Variants in PRORP observed in about 807,000 individuals in gnomAD.
PRORP encodes mitochondrial ribonuclease P catalytic subunit.
Under a neutral mutation model 59.4 loss-of-function variants are expected in PRORP, and 51 were observed. The observed-to-expected ratio is 0.86, with a 90% CI of 0.69 to 1.08. PRORP has a LOEUF of 1.08. Ranked by LOEUF, PRORP falls within the 50% of genes least tolerant of loss-of-function variation. The pLI is 0.00. For synonymous variants in PRORP, 231 were observed against 245.6 expected (o/e 0.94, Z 0.55); for missense variants, 646 against 690.3 (o/e 0.94, Z 0.72).
At position 35,126,731 on chromosome 14, in the gene PRORP, A is replaced by G. The variant is rs1194410250; in HGVS notation, c.987-4A>G. 6.2e-7 allele frequency: 1 copy of G among 1,607,556 alleles called. No homozygotes were observed. Among genetic ancestry groups the G allele is most frequent in the Admixed American group, 1.7e-5 (1 of 59,446 alleles). ...CATGATTTGGTTTTGCAATCTTTTC[A>G]TAGTGTTCCTGGAAAACAATGGAAA... On this transcript the variant is annotated splice_region_variant and splice_polypyrimidine_tract_variant and intron_variant, in intron 2 of 7. Coordinates refer to ENST00000534898, the MANE Select transcript of PRORP (RefSeq NM_014672.4).
At chr14:35,233,810 T>C (rs2050140814) in intron 5 of PRORP, among the ~76,000 whole-genome samples, 1 of 152,214 alleles carries the variant, frequency 6.6e-6, no homozygotes, top group Non-Finnish European at 1.5e-5. Flanking sequence ...TTCTTCCACC[T>C]TGATTTATGT....
chr14:35,133,733 A>G (rs948149964), intron 4 of PRORP, among the ~76,000 whole-genome samples: 1 of 152,170 alleles, frequency 6.6e-6, no homozygotes, highest in African/African-American at 2.4e-5. Context: ...TGCTGTGGTA[A>G]GAGGTACTGC....
chr14:35,249,868 A>T (rs1219425406), intron 5 of PRORP, among the ~76,000 whole-genome samples: 2 of 152,220 alleles, frequency 1.3e-5, no homozygotes, highest in Non-Finnish European at 2.9e-5. Context: ...GCTTTGAACT[A>T]TAGCTATGTG....
rs530028774 is a variant in PRORP, at chr14:35,216,036, G to A, written c.1275+35259G>A. 1.2e-4 allele frequency among the ~76,000 whole-genome samples: 17 copies of A among 143,110 alleles called. No individual in the cohort carries two copies. The South Asian group carries it at 3.7e-3, about 31-fold the overall frequency. 93.9% of individuals were successfully genotyped at this position (143,110 alleles called of 152,430 possible). On this transcript the variant is annotated intron_variant, in intron 5 of 7. Transcript: ENST00000534898. Reference sequence around the variant, plus strand: ...CCTGCCTCGGCCTCCCAAAGTGCTGGGATTATAGGCATGAGCCACCGCACC... The same window carrying A: ...CCTGCCTCGGCCTCCCAAAGTGCTGAGATTATAGGCATGAGCCACCGCACC...
At chr14:35,270,305 C>A in intron 6 of PRORP, 96 bp from the exon 7 acceptor site, 2 of 1,163,804 alleles carry the variant, frequency 1.7e-6, no homozygotes, top group Non-Finnish European at 2.5e-6. Context: ...AAATCAGAGG[C>A]ACCTCCAAGG....
chr14:35,211,160 G>A (rs1369874238), intron 5 of PRORP, among the ~76,000 whole-genome samples: 2 of 152,136 alleles, frequency 1.3e-5, no homozygotes, highest in Non-Finnish European at 2.9e-5. Flanking sequence ...TACATATATA[G>A]GATTGGCTCA....
chr14:35,265,347 A>T (rs2051013855), intron 5 of PRORP, among the ~76,000 whole-genome samples: 1 of 152,204 alleles, frequency 6.6e-6, no homozygotes, highest in African/African-American at 2.4e-5. Context: ...ACAAGTTATA[A>T]TTTTTTCAGC....
chr14:35,255,431 G>A (rs1456484342), intron 5 of PRORP, among the ~76,000 whole-genome samples: 1 of 152,128 alleles, frequency 6.6e-6, no homozygotes, highest in Non-Finnish European at 1.5e-5. Flanking sequence ...CACCCGGCTG[G>A]AATAACTGTT....
intron 5 of PRORP, chr14:35,235,512 C>T (rs1463291473): frequency 5.0e-6 from 3 of 598,040 alleles, no homozygotes; most frequent in South Asian, 4.6e-5. Flanking sequence ...GCAGTCACCA[C>T]CAGCTGAGCC....
At chr14:35,225,291 A>C (rs945318129) in intron 5 of PRORP, among the ~76,000 whole-genome samples, 15 of 152,158 alleles carry the variant, frequency 9.9e-5, no homozygotes, top group African/African-American at 3.6e-4. Flanking sequence ...AAATCAATAA[A>C]CAAAAAGCTA....
intron 4 of PRORP, among the ~76,000 whole-genome samples, chr14:35,160,265 C>G (rs1003103784): frequency 1.3e-5 from 2 of 152,206 alleles, no homozygotes; most frequent in Admixed American, 1.3e-4. Context: ...CTGTTGGACT[C>G]TTTCACCTTT....
At chr14:35,171,371 T>C (rs921564252) in intron 4 of PRORP, among the ~76,000 whole-genome samples, 2 of 152,216 alleles carry the variant, frequency 1.3e-5, no homozygotes, top group African/African-American at 2.4e-5. Context: ...TTAATTGTTT[T>C]TGGCAATTTT....
intron 5 of PRORP, among the ~76,000 whole-genome samples, chr14:35,204,202 C>T (rs2049232828): frequency 1.3e-5 from 2 of 152,022 alleles, no homozygotes; most frequent in Admixed American, 1.3e-4. Context: ...ACTCATGTCA[C>T]ATGGTCATGT....
chr14:35,138,657 T>G (rs2047422313), intron 4 of PRORP, among the ~76,000 whole-genome samples: 1 of 145,664 alleles, frequency 6.9e-6, no homozygotes, highest in Non-Finnish European at 1.5e-5. Flanking sequence ...TTATATGTTT[T>G]CCCCAAATAG....
chr14:35,166,473 T>C (rs2048188018), intron 4 of PRORP, among the ~76,000 whole-genome samples: 1 of 136,148 alleles, frequency 7.3e-6, no homozygotes, highest in South Asian at 2.3e-4. Flanking sequence ...TTTTTTGAGA[T>C]GGAGTCTCGC....
Position 35,276,810 on chromosome 14 carries a change from T to G in PRORP, c.*3244T>G, listed in dbSNP as rs2051300791. The G allele has an allele frequency of 6.6e-6, 1 of 152,148 alleles. No individual in the cohort carries two copies. 9.4% of individuals were successfully genotyped at this position (152,148 alleles called of 1,614,324 possible). ...TTCTAAAATACTTTGTGCTTCCCCC[T>G]TGCATTCTGAATTTATACACTTTTC... is the stretch of plus-strand genomic sequence containing the variant. On this transcript the variant is annotated 3_prime_UTR_variant, in exon 8 of 8. Transcript: ENST00000534898.
At chr14:35,228,727 G>T (rs2050000476) in intron 5 of PRORP, among the ~76,000 whole-genome samples, 1 of 152,188 alleles carries the variant, frequency 6.6e-6, no homozygotes, top group African/African-American at 2.4e-5. Context: ...TCTAGGTTGA[G>T]TCCATGTCTC....
chr14:35,201,754 T>C (rs1418619815), intron 5 of PRORP, among the ~76,000 whole-genome samples: 1 of 151,078 alleles, frequency 6.6e-6, no homozygotes, highest in Non-Finnish European at 1.5e-5. Context: ...CGCCTCCCAG[T>C]TTAAGTGATT....
rs1182264285 is a variant in PRORP, at chr14:35,276,215, G to C, written c.*2649G>C. On this transcript the variant is annotated 3_prime_UTR_variant, in exon 8 of 8. Transcript: ENST00000534898. ...CCAGCTACTCAGAAGGCTGAGGTGGGAGGATCACTTGAGCCCCAGAGGTCA... is the reference window on the plus strand; with the variant it reads ...CCAGCTACTCAGAAGGCTGAGGTGGCAGGATCACTTGAGCCCCAGAGGTCA... 6.6e-6 allele frequency: 1 copy of C among 152,598 alleles called. No individual in the cohort carries two copies. The highest frequency in any genetic ancestry group is 1.5e-5 in the Non-Finnish European group (1 of 68,430). 9.5% of individuals were successfully genotyped at this position (152,598 alleles called of 1,614,324 possible). A position where few individuals can be genotyped will look rare whatever the true frequency, so the allele number is the denominator to read the frequency against.
Sources: allele counts gnomAD v4.1 joint callset (sites outside exome capture counted in the v4.1 genomes callset), GRCh38; gene constraint gnomAD v4.1.1; transcripts MANE v1.5; gene names NCBI Gene and HGNC (gene_info 2026-07-23, HGNC 2026-07-21).